Variants in SFMBT1 observed in about 807,000 individuals in gnomAD.
The protein encoded by SFMBT1 is scm-like with four MBT domains protein 1.
Under a neutral mutation model 108.7 loss-of-function variants are expected in SFMBT1, and 32 were observed. That is an observed-to-expected ratio of 0.29 (90% CI 0.22 to 0.40). The LOEUF (loss-of-function observed/expected upper bound fraction) is 0.40, where lower values mean the gene tolerates loss of function less well. Among genes scored for constraint, SFMBT1 ranks in the 10% least tolerant of loss-of-function variants. The pLI is 1.00. For synonymous variants in SFMBT1, 348 were observed against 369.5 expected (o/e 0.94, Z 0.67); for missense variants, 816 against 1,059.6 (o/e 0.77, Z 3.19).
chr3:52,952,062 A>G (rs992757657), intron 3 of SFMBT1, among the ~76,000 whole-genome samples: 2 of 152,196 alleles, frequency 1.3e-5, no homozygotes, highest in Admixed American at 1.3e-4. Context: ...ACGGAAAACT[A>G]AAAATAGTGG....
intron 1 of SFMBT1, among the ~76,000 whole-genome samples, chr3:53,017,350 T>TG (rs1699159956): frequency 6.6e-6 from 1 of 152,242 alleles, no homozygotes; most frequent in Non-Finnish European, 1.5e-5. Flanking sequence ...ACTAGTATAG[T>TG]GACACTTATT....
chr3:53,024,461 G>A (rs1471656971), intron 1 of SFMBT1, among the ~76,000 whole-genome samples: 7 of 150,044 alleles, frequency 4.7e-5, no homozygotes. Flanking sequence ...GAGATGGGGA[G>A]GGCCGGCCAT....
chr3:53,043,955 A>G (rs755360878), intron 1 of SFMBT1, among the ~76,000 whole-genome samples: 1 of 152,084 alleles, frequency 6.6e-6, no homozygotes, highest in African/African-American at 2.4e-5. Context: ...GGGGAGGGGG[A>G]ATGTGTTTAC....
intron 1 of SFMBT1, among the ~76,000 whole-genome samples, chr3:53,034,710 G>C (rs1329800688): frequency 6.6e-6 from 1 of 152,198 alleles, no homozygotes; most frequent in African/African-American, 2.4e-5. Context: ...GCTGAGGCGG[G>C]CAGATCACTT....
chr3:53,022,562 G>C (rs1410658768), intron 1 of SFMBT1, among the ~76,000 whole-genome samples: 1 of 151,768 alleles, frequency 6.6e-6, no homozygotes, highest in East Asian at 1.9e-4. Context: ...ACATACAGTG[G>C]AATATTATTC....
intron 4 of SFMBT1, among the ~76,000 whole-genome samples, chr3:52,941,350 T>C (rs1180288369): frequency 6.6e-6 from 1 of 151,990 alleles, no homozygotes; most frequent in Non-Finnish European, 1.5e-5. Context: ...TCCCAGCACT[T>C]TGGGAGGCAG....
rs780551634 is a variant in SFMBT1, at chr3:52,934,803, T to C, written c.453+10A>G. 4 of 1,608,028 alleles carry C rather than the reference T, an allele frequency of 2.5e-6. No homozygotes were observed. The East Asian group carries it at 8.9e-5, about 36-fold the overall frequency. On this transcript the variant is annotated intron_variant, in intron 5 of 20. Transcript: ENST00000394752. ...TTTTCCATGCTGATGTGGCATGTAG[T>C]AATACTCACGCCCTCTAGCAGCGGA...
chr3:52,999,660 G>A (rs1308038409), intron 1 of SFMBT1, among the ~76,000 whole-genome samples: 1 of 149,828 alleles, frequency 6.7e-6, no homozygotes, highest in Non-Finnish European at 1.5e-5. Flanking sequence ...GTCATGAGGG[G>A]AGTGGGCCAC....
intron 1 of SFMBT1, among the ~76,000 whole-genome samples, chr3:53,022,339 A>G (rs981788703): frequency 2.0e-5 from 3 of 151,362 alleles, no homozygotes; most frequent in African/African-American, 7.3e-5. Context: ...AGTCCCAGCT[A>G]CTCGGGAGGC....
intron 1 of SFMBT1, among the ~76,000 whole-genome samples, chr3:53,001,352 G>A (rs1698540924): frequency 6.7e-6 from 1 of 150,276 alleles, no homozygotes; most frequent in Non-Finnish European, 1.5e-5. Context: ...GACTGCTTGA[G>A]CTCAGGAGTT....
intron 10 of SFMBT1, 55 bp downstream of exon 10, chr3:52,925,976 C>T: frequency 6.9e-7 from 1 of 1,440,658 alleles, no homozygotes; most frequent in Non-Finnish European, 9.3e-7. Flanking sequence ...GCAAGGGAAG[C>T]ACAGCAGTCC....
In SFMBT1 at chr3:52,913,580, G is replaced by A. The variant is rs1336824995; in HGVS notation, c.1518C>T (p.Tyr506=). 1.9e-6 allele frequency: 3 copies of A among 1,614,094 alleles called. No individual in the cohort carries two copies. Among genetic ancestry groups the A allele is most frequent in the East Asian group, 2.2e-5 (1 of 44,888 alleles). Residue 506 remains tyrosine (Y), a synonymous_variant, in exon 15 of 21, where the codon TAC becomes TAT. Transcript: ENST00000394752. ...GCCCTGAGAAGCAACGGTGGTTGAA[G>A]TATATCTTTGGACAGCAATATTTTC... The part of the protein sequence containing the change: ...INGKYCCPKI[Y]FNHRCFSGPY...
At chr3:53,003,933 C>T (rs1698647542) in intron 1 of SFMBT1, among the ~76,000 whole-genome samples, 1 of 149,748 alleles carries the variant, frequency 6.7e-6, no homozygotes, top group African/African-American at 2.4e-5. Flanking sequence ...AAGATCATCA[C>T]CATTAGCTAG....
chr3:52,980,145 T>G (rs940037054), intron 1 of SFMBT1, among the ~76,000 whole-genome samples: 1 of 152,184 alleles, frequency 6.6e-6, no homozygotes, highest in Non-Finnish European at 1.5e-5. Flanking sequence ...TATCAAAACT[T>G]ATACAAACAC....
intron 20 of SFMBT1, 88 bp downstream of exon 20, chr3:52,906,025 C>T (rs1357721861): frequency 1.0e-5 from 15 of 1,452,466 alleles, no homozygotes; most frequent in Non-Finnish European, 1.4e-5. Context: ...AACATTTTTC[C>T]TAAAACTTGT....
chr3:53,008,401 T>C (rs1261812444), intron 1 of SFMBT1, among the ~76,000 whole-genome samples: 1 of 152,186 alleles, frequency 6.6e-6, no homozygotes, highest in Non-Finnish European at 1.5e-5. Context: ...TTTAAATGAT[T>C]AGTATCTCTC....
chr3:52,955,238 C>A (rs1703740070), intron 2 of SFMBT1, among the ~76,000 whole-genome samples: 1 of 151,886 alleles, frequency 6.6e-6, no homozygotes, highest in African/African-American at 2.4e-5. Flanking sequence ...CATGGTGAAA[C>A]CCCGTCTCTA....
chr3:53,008,924 C>T (rs1698846293), intron 1 of SFMBT1, among the ~76,000 whole-genome samples: 1 of 151,812 alleles, frequency 6.6e-6, no homozygotes, highest in African/African-American at 2.4e-5. Flanking sequence ...CGTGAGCCAC[C>T]GTGCCCGGCC....
chr3:52,936,349 T>C (rs1023366796), intron 4 of SFMBT1, among the ~76,000 whole-genome samples: 2 of 152,246 alleles, frequency 1.3e-5, no homozygotes, highest in Non-Finnish European at 2.9e-5. Flanking sequence ...TCTTTCTCTA[T>C]ATTTACCACC....
Sources: gnomAD v4.1 joint callset for allele counts (sites outside exome capture counted in the v4.1 genomes callset) on GRCh38, gnomAD v4.1.1 for gene constraint, MANE v1.5 for transcripts, NCBI Gene and HGNC (gene_info 2026-07-23, HGNC 2026-07-21) for gene names.